Variants in ITGB6 observed in about 807,000 individuals in gnomAD.
The protein encoded by ITGB6 is integrin beta-6.
A neutral mutation model predicts 84.5 loss-of-function variants in ITGB6; 80 were observed. The observed-to-expected ratio is 0.95, with a 90% CI of 0.79 to 1.14. The LOEUF (loss-of-function observed/expected upper bound fraction) is 1.14. Ranked by LOEUF, ITGB6 falls within the 50% of genes most tolerant of loss-of-function variation. The pLI is 0.00. For synonymous variants in ITGB6, 383 were observed against 354.9 expected, an observed-to-expected ratio of 1.08 and a Z score of -0.89; for missense variants, 1,006 against 968.0, an observed-to-expected ratio of 1.04 and a Z score of -0.52.
At chr2:160,186,984 G>A (rs1685926984) in intron 4 of ITGB6, among the ~76,000 whole-genome samples, 1 of 151,804 alleles carries the variant, frequency 6.6e-6, no homozygotes, top group Middle Eastern at 3.4e-3. Flanking sequence ...AGGCTAGGGG[G>A]AGGGATAGCA....
At chr2:160,150,058 CCCAACATAGCAAGGTAGG>C (rs1684350999) in intron 7 of ITGB6, among the ~76,000 whole-genome samples, 1 of 152,080 alleles carries the variant, frequency 6.6e-6, no homozygotes, top group Admixed American at 6.5e-5. Flanking sequence ...GGAGAACTTC[CCCAACATAGCAAGGTAGG>C]CCAACATTCA....
At chr2:160,128,853 GA>G (rs1480068339) in intron 10 of ITGB6, among the ~76,000 whole-genome samples, 2 of 152,132 alleles carry the variant, frequency 1.3e-5, no homozygotes, top group Non-Finnish European at 2.9e-5. Context: ...GGAAGATGAT[GA>G]GTTCACTTTT....
chr2:160,156,453 G>C (rs1428076755), intron 7 of ITGB6, among the ~76,000 whole-genome samples: 1 of 152,176 alleles, frequency 6.6e-6, no homozygotes, highest in Admixed American at 6.5e-5. Flanking sequence ...GGCTCTCGAA[G>C]AGACCTTGTT....
chr2:160,153,594 T>G (rs1184166467), intron 7 of ITGB6, among the ~76,000 whole-genome samples: 1 of 152,138 alleles, frequency 6.6e-6, no homozygotes, highest in Non-Finnish European at 1.5e-5. Flanking sequence ...AAATGGGATC[T>G]AATTAAACTA....
At chr2:160,117,684 T>C (rs1242872497) in intron 12 of ITGB6, among the ~76,000 whole-genome samples, 4 of 151,608 alleles carry the variant, frequency 2.6e-5, no homozygotes, top group East Asian at 1.9e-4. Context: ...CTGAAGGAAA[T>C]AGAGACACAA....
chr2:160,195,374 A>G lies in ITGB6; in HGVS notation c.588T>C (p.Pro196=). ...CAAGAGAATCATTTACTTACCTGCAAGGGTTGGCAATTTCTTCTGGTGTTG... is the reference window on the plus strand; with the variant it reads ...CAAGAGAATCATTTACTTACCTGCAGGGGTTGGCAATTTCTTCTGGTGTTG... ...VKTTPEEIAN[P]CSSIPYFCLP... is the part of the protein sequence containing the mutation. The change falls in exon 4 of 15, where the codon CCT becomes CCC. Residue 196 remains proline (P), a synonymous_variant. Transcript: ENST00000283249. 1 of 1,614,140 alleles carries G rather than the reference A, an allele frequency of 6.2e-7. No homozygotes were observed. Among genetic ancestry groups the G allele is most frequent in the Non-Finnish European group, 8.5e-7 (1 of 1,179,982 alleles).
At chr2:160,184,627 T>G (rs920425192) in intron 4 of ITGB6, among the ~76,000 whole-genome samples, 1 of 152,200 alleles carries the variant, frequency 6.6e-6, no homozygotes, top group Admixed American at 6.5e-5. Flanking sequence ...TAACTCATTT[T>G]ATGAGGCCAG....
intron 7 of ITGB6, among the ~76,000 whole-genome samples, chr2:160,150,087 A>T (rs983375398): frequency 6.6e-6 from 1 of 152,166 alleles, no homozygotes; most frequent in Non-Finnish European, 1.5e-5. Context: ...CCAACATTCA[A>T]ATTCGGGAAA....
chr2:160,149,166 T>A (rs775544165), intron 7 of ITGB6, among the ~76,000 whole-genome samples: 1 of 152,260 alleles, frequency 6.6e-6, no homozygotes, highest in Admixed American at 6.5e-5. Flanking sequence ...CTGATCCCCA[T>A]GTAGCCTAAC....
chr2:160,176,451 T>C (rs1161085597), intron 4 of ITGB6, among the ~76,000 whole-genome samples: 1 of 152,220 alleles, frequency 6.6e-6, no homozygotes, highest in African/African-American at 2.4e-5. Flanking sequence ...TAAATTTCCT[T>C]TCCTAATTAT....
chr2:160,162,352 G>A (rs1488106349), intron 7 of ITGB6, among the ~76,000 whole-genome samples: 1 of 151,954 alleles, frequency 6.6e-6, no homozygotes, highest in Non-Finnish European at 1.5e-5. Flanking sequence ...AGTTATGGAT[G>A]TACATATATG....
In ITGB6 at chr2:160,137,724, T is replaced by G; in HGVS notation, c.1370A>C (p.Gln457Pro). Residue 457 changes from glutamine (Q) to proline (P), a missense_variant, in exon 10 of 15, where the codon CAG (glutamine) becomes CCG (proline). Transcript: ENST00000283249. Reference sequence around the variant, plus strand: ...GGAGCTGTTCACTTCCACTTCTTTCTGACAGTCGCAGTTGCATTCTGGGCT... The same window carrying G: ...GGAGCTGTTCACTTCCACTTCTTTCGGACAGTCGCAGTTGCATTCTGGGCT... ...LVSPECNCDC[Q>P]KEVEVNSSKC... The G allele has an allele frequency of 6.2e-7, 1 of 1,614,244 alleles. No homozygotes were observed. Among genetic ancestry groups the G allele is most frequent in the South Asian group, 1.1e-5 (1 of 91,090 alleles).
At chr2:160,198,055 G>C (rs1686410047) in intron 2 of ITGB6, among the ~76,000 whole-genome samples, 1 of 152,278 alleles carries the variant, frequency 6.6e-6, no homozygotes, top group Admixed American at 6.5e-5. Context: ...GCTGAAAAAT[G>C]CATTTAAATG....
intron 3 of ITGB6, among the ~76,000 whole-genome samples, chr2:160,196,008 G>A (rs1686319270): frequency 6.6e-6 from 1 of 152,208 alleles, no homozygotes; most frequent in African/African-American, 2.4e-5. Context: ...TACTATTAGA[G>A]AAGGCTTTTT....
chr2:160,140,935 C>T (rs1256840448), intron 8 of ITGB6, among the ~76,000 whole-genome samples: 1 of 152,000 alleles, frequency 6.6e-6, no homozygotes, highest in Non-Finnish European at 1.5e-5. Flanking sequence ...CTCTCATTTC[C>T]CCTGAAGTCC....
intron 7 of ITGB6, among the ~76,000 whole-genome samples, chr2:160,154,472 T>C (rs1347579113): frequency 6.6e-6 from 1 of 151,968 alleles, no homozygotes; most frequent in Non-Finnish European, 1.5e-5. Flanking sequence ...TTAGGAGAAA[T>C]ACCTAATGTA....
chr2:160,136,687 G>A (rs1683738378), intron 10 of ITGB6, among the ~76,000 whole-genome samples: 1 of 152,222 alleles, frequency 6.6e-6, no homozygotes, highest in African/African-American at 2.4e-5. Context: ...TTAAGAAAAT[G>A]TGGCACATAT....
At chr2:160,133,809 C>T (rs551528795) in intron 10 of ITGB6, among the ~76,000 whole-genome samples, 4 of 152,168 alleles carry the variant, frequency 2.6e-5, no homozygotes, top group African/African-American at 4.8e-5. Flanking sequence ...ATGACTACTG[C>T]GTACATAACA....
chr2:160,140,685 T>C (rs1246169327), intron 8 of ITGB6, among the ~76,000 whole-genome samples: 1 of 152,248 alleles, frequency 6.6e-6, no homozygotes, highest in African/African-American at 2.4e-5. Context: ...CATGAGCTAA[T>C]GTGGTGATGA....
Sources: gnomAD v4.1 joint callset for allele counts (sites outside exome capture counted in the v4.1 genomes callset) on GRCh38, gnomAD v4.1.1 for gene constraint, MANE v1.5 for transcripts, NCBI Gene and HGNC (gene_info 2026-07-23, HGNC 2026-07-21) for gene names.